Variants in PTPRM observed in about 807,000 individuals in gnomAD.
The protein encoded by PTPRM is protein tyrosine phosphatase receptor type M, also known as receptor-type tyrosine-protein phosphatase mu.
Under a neutral mutation model 186.7 loss-of-function variants are expected in PTPRM, and 47 were observed. The ratio of observed to expected loss-of-function variants is 0.25; its 90% CI spans 0.20 to 0.32. The LOEUF (loss-of-function observed/expected upper bound fraction) is 0.32, where lower values mean the gene tolerates loss of function less well. Ranked by LOEUF, PTPRM falls within the 10% of genes least tolerant of loss-of-function variation. The pLI is 1.00. For missense variants in PTPRM, 1,494 were observed against 1,865.0 expected (o/e 0.80, Z 3.66); for synonymous variants, 668 against 674.9 (o/e 0.99, Z 0.16).
At chr18:7,605,188 A>C (rs972994893) in intron 1 of PTPRM, among the ~76,000 whole-genome samples, 3 of 152,098 alleles carry the variant, frequency 2.0e-5, no homozygotes, top group Non-Finnish European at 4.4e-5. Context: ...GCTTAAAAAA[A>C]TCACCAAAAA....
At chr18:8,279,683 G>T (rs1378360807) in intron 19 of PTPRM, among the ~76,000 whole-genome samples, 1 of 152,178 alleles carries the variant, frequency 6.6e-6, no homozygotes, top group Non-Finnish European at 1.5e-5. Context: ...CCTCTAAAAA[G>T]AAATAAAACA....
intron 20 of PTPRM, among the ~76,000 whole-genome samples, chr18:8,311,036 T>C (rs2095264280): frequency 6.6e-6 from 1 of 152,164 alleles, no homozygotes; most frequent in Non-Finnish European, 1.5e-5. Context: ...AGGCTGGGCG[T>C]GGTGGCTCAC....
At chr18:7,772,591 A>G (rs901306229) in intron 1 of PTPRM, among the ~76,000 whole-genome samples, 2 of 149,520 alleles carry the variant, frequency 1.3e-5, no homozygotes, top group African/African-American at 5.0e-5. Flanking sequence ...TTAAGGGGGG[A>G]TGTTCTACAT....
intron 15 of PTPRM, among the ~76,000 whole-genome samples, chr18:8,247,284 G>A (rs1241288453): frequency 1.3e-5 from 2 of 152,154 alleles, no homozygotes; most frequent in African/African-American, 4.8e-5. Context: ...TCAGTCTTGA[G>A]TGTTTCAGAG....
At chr18:7,748,508 T>A (rs1230137738) in intron 1 of PTPRM, among the ~76,000 whole-genome samples, 4 of 152,132 alleles carry the variant, frequency 2.6e-5, no homozygotes, top group Non-Finnish European at 4.4e-5. Context: ...ACTGTGGAAC[T>A]GTGGGTGGAA....
At chr18:7,890,422 G>A (rs918652045) in intron 3 of PTPRM, among the ~76,000 whole-genome samples, 1 of 152,050 alleles carries the variant, frequency 6.6e-6, no homozygotes, top group African/African-American at 2.4e-5. Flanking sequence ...CTGGACTGAT[G>A]AATAAATGGG....
chr18:8,017,352 C>G (rs1490874666), intron 7 of PTPRM, among the ~76,000 whole-genome samples: 2 of 151,928 alleles, frequency 1.3e-5, no homozygotes, highest in African/African-American at 4.8e-5. Flanking sequence ...GCCTGACCAA[C>G]ATGGTGAAAT....
At chr18:7,724,139 G>A (rs768683360) in intron 1 of PTPRM, among the ~76,000 whole-genome samples, 1 of 151,956 alleles carries the variant, frequency 6.6e-6, no homozygotes, top group African/African-American at 2.4e-5. Context: ...CAAGGGTCAG[G>A]TGTCGTGTCT....
At chr18:7,934,640 C>G (rs964899754) in intron 5 of PTPRM, among the ~76,000 whole-genome samples, 1 of 152,220 alleles carries the variant, frequency 6.6e-6, no homozygotes, top group Non-Finnish European at 1.5e-5. Context: ...ATTTACTGAA[C>G]ACTGCTATGT....
rs150666457 is a variant in PTPRM, at chr18:8,210,595, C to T, written c.2301-33463C>T. Among the ~76,000 whole-genome samples, 297 of 152,282 alleles carry T rather than the reference C, an allele frequency of 2.0e-3. 1 individual carries two copies. Among genetic ancestry groups the T allele is most frequent in the African/African-American group, 6.8e-3 (282 of 41,558 alleles). ...TCCGCCCAATTTAGGGTACTTTTTA[C>T]AGCAGCCCTAGGAAATTAGCACAGA... On this transcript the variant is annotated intron_variant, in intron 14 of 32. Transcript: ENST00000580170.
At chr18:8,107,997 G>C (rs924805115) in intron 11 of PTPRM, among the ~76,000 whole-genome samples, 4 of 152,168 alleles carry the variant, frequency 2.6e-5, no homozygotes, top group Admixed American at 6.5e-5. Context: ...GTATTAGGGT[G>C]TCATTTCAGT....
chr18:8,343,433 G>A lies in PTPRM; in HGVS notation c.2967G>A (p.Gln989=). Reference sequence around the variant, plus strand: ...TGTGTTTTGCTGCAGGGCCAATGCAGGAAACCATCTATGACTTCTGGAGGA... The same window carrying A: ...TGTGTTTTGCTGCAGGGCCAATGCAAGAAACCATCTATGACTTCTGGAGGA... ...NHYIATQGPM[Q]ETIYDFWRMV... The change falls in exon 23 of 33, where the codon CAG becomes CAA. Residue 989 remains glutamine, a synonymous_variant. Transcript: ENST00000580170. The A allele has an allele frequency of 6.2e-7, 1 of 1,613,504 alleles. No homozygotes were observed.
At chr18:7,901,318 C>T (rs1416808898) in intron 3 of PTPRM, among the ~76,000 whole-genome samples, 6 of 152,144 alleles carry the variant, frequency 3.9e-5, no homozygotes, top group Non-Finnish European at 8.8e-5. Context: ...ATTCCAAAAT[C>T]TGTTTATAAG....
chr18:8,394,758 TTTC>T (rs2095837521), intron 32 of PTPRM, 147 bp downstream of exon 32: 1 of 839,226 alleles, frequency 1.2e-6, no homozygotes. Context: ...GTAGGGCTTT[TTTC>T]TTCTTTCTTG....
intron 1 of PTPRM, among the ~76,000 whole-genome samples, chr18:7,709,680 G>A (rs2040170848): frequency 6.6e-6 from 1 of 152,018 alleles, no homozygotes; most frequent in Non-Finnish European, 1.5e-5. Flanking sequence ...AAGAAAAGAA[G>A]ATGATGCAAA....
chr18:7,971,154 C>T lies in PTPRM; in HGVS notation c.1132+15740C>T, dbSNP rs370473883. On this transcript the variant is annotated intron_variant, in intron 7 of 32. Coordinates refer to ENST00000580170, the MANE Select transcript of PTPRM (RefSeq NM_001105244.2). ...AGAACAGAGCCCTCAGAAATAACGC[C>T]GCATACCTACAACTATCTGATCTTT... Among the ~76,000 whole-genome samples, 29 of 59,898 alleles carry T rather than the reference C, an allele frequency of 4.8e-4. 3 individuals are homozygous for T. Among genetic ancestry groups the T allele is most frequent in the East Asian group, 2.1e-3 (7 of 3,412 alleles). The allele number at this position is 59,898 out of a possible 152,430, so 39.3% of individuals were successfully genotyped here. A position where few individuals can be genotyped will look rare whatever the true frequency, so the allele number is the denominator to read the frequency against.
chr18:8,397,905 C>A (rs1432110255), intron 32 of PTPRM, among the ~76,000 whole-genome samples: 1 of 152,198 alleles, frequency 6.6e-6, no homozygotes, highest in Non-Finnish European at 1.5e-5. Flanking sequence ...TTGGAAGACT[C>A]CCCTCCACAG....
chr18:7,850,926 T>A (rs1227040107), intron 2 of PTPRM, among the ~76,000 whole-genome samples: 1 of 152,236 alleles, frequency 6.6e-6, no homozygotes, highest in African/African-American at 2.4e-5. Context: ...ATACTAGAGT[T>A]ATTTAACTTC....
chr18:8,379,150 T>A lies in PTPRM; in HGVS notation c.3613-17T>A. On this transcript the variant is annotated splice_polypyrimidine_tract_variant and intron_variant, in intron 27 of 32. Coordinates refer to ENST00000580170, the MANE Select transcript of PTPRM (RefSeq NM_001105244.2). ...CCAAGGCTTCTTGTCCTCATGTTCCTTTCTTTTCTCACGCAGACGCTAAAC... is the reference window on the plus strand; with the variant it reads ...CCAAGGCTTCTTGTCCTCATGTTCCATTCTTTTCTCACGCAGACGCTAAAC... The A allele has an allele frequency of 2.6e-6, 4 of 1,567,094 alleles. No individual in the cohort carries two copies. The highest frequency in any genetic ancestry group is 3.5e-6 in the Non-Finnish European group (4 of 1,154,448).
Sources: allele counts gnomAD v4.1 joint callset (sites outside exome capture counted in the v4.1 genomes callset), GRCh38; gene constraint gnomAD v4.1.1; transcripts MANE v1.5; gene names NCBI Gene and HGNC (gene_info 2026-07-23, HGNC 2026-07-21).